The following MMD2 variants were observed in gnomAD, a reference collection of about 807,000 sequenced individuals.
The protein encoded by MMD2 is monocyte to macrophage differentiation associated 2, also known as monocyte to macrophage differentiation factor 2.
In MMD2, 30 loss-of-function variants were observed where a neutral mutation model predicts 33.5. The ratio of observed to expected loss-of-function variants is 0.90; its 90% CI spans 0.67 to 1.22. The LOEUF (loss-of-function observed/expected upper bound fraction) is 1.22. Ranked by LOEUF, MMD2 falls within the 50% of genes most tolerant of loss-of-function variation. The pLI, the probability that MMD2 is intolerant of heterozygous loss-of-function variation, is 0.00. For missense variants in MMD2, 364 were observed against 325.4 expected (o/e 1.12, Z -0.91); for synonymous variants, 129 against 123.0 (o/e 1.05, Z -0.32).
Position 4,911,251 on chromosome 7 carries a change from G to A in MMD2, c.366-5C>T. ...CCCAGCTCCCGAAGGTTCAGCCTGG[G>A]AGAGAAAGAGCCAAGGCCATGGCCC... On this transcript the variant is annotated splice_polypyrimidine_tract_variant and splice_region_variant and intron_variant, in intron 4 of 6. Transcript: ENST00000401401. 1.3e-6 allele frequency: 2 copies of A among 1,577,004 alleles called. No homozygotes were observed. Among genetic ancestry groups the A allele is most frequent in the Non-Finnish European group, 1.7e-6 (2 of 1,161,990 alleles).
At position 4,906,938 on chromosome 7, in the gene MMD2, C is replaced by G. The variant is rs1784879066; in HGVS notation, c.*458G>C. 1 of 233,298 alleles carries G rather than the reference C, an allele frequency of 4.3e-6. No individual in the cohort carries two copies. The highest frequency in any genetic ancestry group is 8.4e-6 in the Non-Finnish European group (1 of 119,718). 14.5% of individuals were successfully genotyped at this position (233,298 alleles called of 1,614,324 possible). A position where few individuals can be genotyped will look rare whatever the true frequency, so the allele number is the denominator to read the frequency against. The stretch of plus-strand genomic sequence containing the variant: ...CCATTCACCATCCCTCATCTTCAAG[C>G]TGGGCTGTCCCCTTTCCCTGAACCA... On this transcript the variant is annotated 3_prime_UTR_variant, in exon 7 of 7. Transcript: ENST00000401401.
intron 1 of MMD2, among the ~76,000 whole-genome samples, chr7:4,942,884 T>C (rs1368827200): frequency 1.3e-5 from 2 of 151,930 alleles, no homozygotes; most frequent in African/African-American, 4.8e-5. Context: ...CCCGAAGTGC[T>C]GGGATTACAG....
rs753060827 is a variant in MMD2 at position 4,916,015 on chromosome 7, A to G, written c.355T>C (p.Tyr119His). ...MVIYFFIAAS[Y>H]APWLNLRELG... ...CGGGACGGTACTCACCAGGGTGCGTAGGAAGCCGCTATGAAGAAATAGATG... is the reference window on the plus strand; with the variant it reads ...CGGGACGGTACTCACCAGGGTGCGTGGGAAGCCGCTATGAAGAAATAGATG... Residue 119 changes from tyrosine (Y) to histidine (H), a missense_variant, in exon 4 of 7, where the codon TAC becomes CAC. Physicochemically the swap from Tyr to His is moderately conservative, Grantham distance 83. Coordinates refer to ENST00000401401, the MANE Select transcript of MMD2 (RefSeq NM_198403.4). 3.2e-5 allele frequency: 51 copies of G among 1,613,778 alleles called. No homozygotes were observed. Among genetic ancestry groups the G allele is most frequent in the Non-Finnish European group, 4.1e-5 (48 of 1,179,854 alleles).
chr7:4,917,218 G>A (rs1785163612), intron 3 of MMD2, among the ~76,000 whole-genome samples: 1 of 152,184 alleles, frequency 6.6e-6, no homozygotes, highest in African/African-American at 2.4e-5. Flanking sequence ...CACTTCAGGA[G>A]TACATAACCT....
chr7:4,908,045 A>G (rs1437731529), intron 6 of MMD2, among the ~76,000 whole-genome samples: 1 of 151,500 alleles, frequency 6.6e-6, no homozygotes. Flanking sequence ...CCTGGTCTCC[A>G]GTGCTTCTCC....
At position 4,911,622 on chromosome 7, in the gene MMD2, ATTTATTTTATTTAT is replaced by A. The variant is rs1216767512; in HGVS notation, c.366-390_366-377del. Among the ~76,000 whole-genome samples the A allele has an allele frequency of 3.1e-4, 47 of 151,102 alleles. 1 individual carries two copies. The highest frequency in any genetic ancestry group is 7.9e-4 in the Admixed American group (12 of 15,118). On this transcript the variant is annotated intron_variant, in intron 4 of 6. Transcript: ENST00000401401. ...TGTTTTATTTATTTTATTTTATTTC[ATTTATTTTATTTAT>A]TTTATTTTATTTATTTTATTTTATT...
rs937945125 is a variant in MMD2 at position 4,920,241 on chromosome 7, G to T, written c.220C>A (p.Leu74Ile). 3.1e-6 allele frequency: 5 copies of T among 1,596,604 alleles called. No homozygotes were observed. Among genetic ancestry groups the T allele is most frequent in the Non-Finnish European group, 4.3e-6 (5 of 1,172,280 alleles). Residue 74 changes from leucine (L) to isoleucine (I), a missense_variant, in exon 3 of 7, where the codon CTC becomes ATC. Leu to Ile is a conservative substitution (Grantham distance 5). Transcript: ENST00000401401. ...ACCACGAAGAGGCCGCAGAGGCCGAGGCCGTAGATCCAGGCAGAGATGGTC... is the reference window on the plus strand; with the variant it reads ...ACCACGAAGAGGCCGCAGAGGCCGATGCCGTAGATCCAGGCAGAGATGGTC... ...WETISAWIYGLGLCGLFVVST... is the reference protein window; with the variant it reads ...WETISAWIYGIGLCGLFVVST...
At chr7:4,950,382 G>A (rs1182312610) in intron 1 of MMD2, among the ~76,000 whole-genome samples, 1 of 152,128 alleles carries the variant, frequency 6.6e-6, no homozygotes, top group Non-Finnish European at 1.5e-5. Context: ...ACAGGCGTGA[G>A]CCACTGCACC....
chr7:4,906,542 G>A lies in MMD2; in HGVS notation c.*854C>T. 1 of 398,642 alleles carries A rather than the reference G, an allele frequency of 2.5e-6. No homozygotes were observed. Among genetic ancestry groups the A allele is most frequent in the Non-Finnish European group, 4.4e-6 (1 of 226,078 alleles). The allele number at this position is 398,642 out of a possible 1,614,324, so 24.7% of individuals were successfully genotyped here. A position where few individuals can be genotyped will look rare whatever the true frequency, so the allele number is the denominator to read the frequency against. On this transcript the variant is annotated 3_prime_UTR_variant, in exon 7 of 7. Coordinates refer to ENST00000401401, the MANE Select transcript of MMD2 (RefSeq NM_198403.4). Reference sequence around the variant, plus strand: ...CTCGTAATGTCTCTGGATTTTTGGAGATGGGAAGAAATGGCCAAGTAACAG... The same window carrying A: ...CTCGTAATGTCTCTGGATTTTTGGAAATGGGAAGAAATGGCCAAGTAACAG...
At chr7:4,941,169 G>A (rs527289463) in intron 1 of MMD2, among the ~76,000 whole-genome samples, 1 of 152,266 alleles carries the variant, frequency 6.6e-6, no homozygotes, top group South Asian at 2.1e-4. Context: ...ACAGACACCA[G>A]CCCTAACCAT....
chr7:4,921,448 G>A (rs990389612), intron 2 of MMD2, among the ~76,000 whole-genome samples: 3 of 151,432 alleles, frequency 2.0e-5, no homozygotes, highest in African/African-American at 4.9e-5. Context: ...GTGAAACCCC[G>A]TCTCAACTGA....
chr7:4,940,777 C>A lies in MMD2; in HGVS notation c.48-15245G>T, dbSNP rs910644651. ...GTGGAAGGGGCCCGGGCTTGCATCTCGTGCCAGAGGCGCGGGACTCTGGCA... is the reference window on the plus strand; with the variant it reads ...GTGGAAGGGGCCCGGGCTTGCATCTAGTGCCAGAGGCGCGGGACTCTGGCA... On this transcript the variant is annotated intron_variant, in intron 1 of 6. Transcript: ENST00000401401. This position sits in a 1 kb window ranked among gnomAD's most constrained non-coding sequence, Gnocchi z 5.0. Among the ~76,000 whole-genome samples, 1 of 152,100 alleles carries A rather than the reference C, an allele frequency of 6.6e-6. No homozygotes were observed. Among genetic ancestry groups the A allele is most frequent in the Non-Finnish European group, 1.5e-5 (1 of 68,008 alleles).
chr7:4,953,282 T>A (rs1786298253), intron 1 of MMD2, among the ~76,000 whole-genome samples: 1 of 151,804 alleles, frequency 6.6e-6, no homozygotes, highest in Admixed American at 6.6e-5. Flanking sequence ...CAGCACCGCC[T>A]GGCTACTTCC....
At chr7:4,914,979 A>G (rs1435559793) in intron 4 of MMD2, among the ~76,000 whole-genome samples, 1 of 152,118 alleles carries the variant, frequency 6.6e-6, no homozygotes, top group African/African-American at 2.4e-5. Flanking sequence ...ATAAATATAT[A>G]CTTTTAAAAT....
intron 2 of MMD2, among the ~76,000 whole-genome samples, chr7:4,923,994 C>G (rs1376164668): frequency 1.3e-5 from 2 of 152,050 alleles, no homozygotes; most frequent in Non-Finnish European, 2.9e-5. Context: ...AGATCGAGAC[C>G]ATTCTGGCTA....
intron 1 of MMD2, among the ~76,000 whole-genome samples, chr7:4,950,815 G>A (rs890794002): frequency 6.6e-6 from 1 of 151,076 alleles, no homozygotes; most frequent in African/African-American, 2.4e-5. Context: ...CCGGATTCAA[G>A]CAATTCTCGT....
At chr7:4,898,225 C>G in the MMD2 span, among the ~76,000 whole-genome samples, 1 of 152,154 alleles carries the variant, frequency 6.6e-6, no homozygotes, top group Non-Finnish European at 1.5e-5. Flanking sequence ...TCTGGGTAAC[C>G]AGATTCTTGG....
chr7:4,958,733 A>G (rs1354750005), intron 1 of MMD2, among the ~76,000 whole-genome samples: 2 of 152,204 alleles, frequency 1.3e-5, no homozygotes, highest in Non-Finnish European at 2.9e-5. Context: ...TGAGGTTCAG[A>G]GAAGTGAAGC....
At position 4,907,338 on chromosome 7, in the gene MMD2, G is replaced by T. The variant is rs1004345486; in HGVS notation, c.*58C>A. 9.6e-6 allele frequency: 15 copies of T among 1,556,718 alleles called. No individual in the cohort carries two copies. The highest frequency in any genetic ancestry group is 1.3e-5 in the Non-Finnish European group (15 of 1,130,436). ...CCTTGGCGCTGTGCTCTGGGTTAAC[G>T]TTCACAGAAACGTGCTCCACTCCTA... is the stretch of plus-strand genomic sequence containing the variant. On this transcript the variant is annotated 3_prime_UTR_variant, in exon 7 of 7. Coordinates refer to ENST00000401401, the MANE Select transcript of MMD2 (RefSeq NM_198403.4).
Sources: gnomAD v4.1 joint callset for allele counts (sites outside exome capture counted in the v4.1 genomes callset) on GRCh38, gnomAD v4.1.1 for gene constraint, Gnocchi (gnomAD v3.1) non-coding constraint, MANE v1.5 for transcripts, NCBI Gene and HGNC (gene_info 2026-07-23, HGNC 2026-07-21) for gene names.